KIF9: variants seen among roughly 807,000 people sequenced by gnomAD.
The protein encoded by KIF9 is kinesin family member 9, also known as kinesin-like protein KIF9.
KIF9 carries 68 observed loss-of-function variants against 94.8 expected under a neutral mutation model. The ratio of observed to expected loss-of-function variants is 0.72; its 90% CI spans 0.59 to 0.88. The LOEUF (loss-of-function observed/expected upper bound fraction) is 0.88. KIF9 is among the 40% of genes least tolerant of loss of function. KIF9 has a pLI of 0.00. For synonymous variants in KIF9, 343 were observed against 362.1 expected (o/e 0.95, Z 0.60); for missense variants, 882 against 982.5 (o/e 0.90, Z 1.37).
At position 47,245,404 on chromosome 3, in the gene KIF9, G is replaced by A. The variant is rs772071511; in HGVS notation, c.1380+17C>T. On this transcript the variant is annotated intron_variant, in intron 14 of 20. Transcript: ENST00000684063. ...AATCTGAGGTGAGTGCTGTCGGCAA[G>A]TAGCAACTATGCTTACCTTCTGGAT... The A allele has an allele frequency of 1.2e-6, 2 of 1,600,578 alleles. No homozygotes were observed. The highest frequency in any genetic ancestry group is 1.7e-6 in the Non-Finnish European group (2 of 1,167,642).
chr3:47,236,802 C>T (rs961348231), intron 17 of KIF9, among the ~76,000 whole-genome samples, 183 bp from the exon 18 acceptor site: 1 of 152,198 alleles, frequency 6.6e-6, no homozygotes, highest in Non-Finnish European at 1.5e-5. Context: ...GGCATAATCT[C>T]ACAGGGAGGG....
In KIF9 at chr3:47,236,513, C is replaced by T. The variant is rs1263861192; in HGVS notation, c.2031G>A (p.Leu677=). Residue 677 remains leucine, a synonymous_variant, in exon 18 of 21, where the codon CTG becomes CTA. Coordinates refer to ENST00000684063, the MANE Select transcript of KIF9 (RefSeq NM_182902.4). ...KKQYRSEYQD[L]RDLRAEIQYC... is the part of the protein sequence containing the mutation. ...ACTGGATCTCAGCCCTGAGGTCACG[C>T]AGGTCCTGGTACTCGCTGCGGTACT... 9.3e-6 allele frequency: 15 copies of T among 1,613,952 alleles called. No individual in the cohort carries two copies. The highest frequency in any genetic ancestry group is 6.7e-5 in the East Asian group (3 of 44,904).
intron 1 of KIF9, among the ~76,000 whole-genome samples, chr3:47,280,791 C>G (rs753865560): frequency 6.6e-6 from 1 of 152,220 alleles, no homozygotes; most frequent in Non-Finnish European, 1.5e-5. Flanking sequence ...CCCATGTATG[C>G]TTCCCAAGGC....
chr3:47,246,427 G>A, intron 12 of KIF9, 175 bp from the exon 13 acceptor site: 1 of 417,628 alleles, frequency 2.4e-6, no homozygotes, highest in Non-Finnish European at 4.3e-6. Context: ...CTCCTCCAGA[G>A]CAGAGAAACA....
intron 12 of KIF9, 61 bp downstream of exon 12, chr3:47,247,312 T>C (rs1015344239): frequency 9.2e-7 from 1 of 1,092,164 alleles, no homozygotes; most frequent in African/African-American, 1.5e-5. Flanking sequence ...TGCGTTGGGG[T>C]GTGCCCAGGA....
At chr3:47,233,978 G>A (rs1385757493) in intron 20 of KIF9, among the ~76,000 whole-genome samples, 1 of 152,090 alleles carries the variant, frequency 6.6e-6, no homozygotes. Context: ...AGCTACTCAG[G>A]AGGCTGAGGC....
intron 10 of KIF9, among the ~76,000 whole-genome samples, chr3:47,249,285 A>G (rs1700123013): frequency 6.6e-6 from 1 of 151,910 alleles, no homozygotes; most frequent in Non-Finnish European, 1.5e-5. Flanking sequence ...AGCTGGGATT[A>G]TAGGCATGTG....
Position 47,266,966 on chromosome 3 carries a change from C to A in KIF9, c.768+10G>T. 1.2e-6 allele frequency: 2 copies of A among 1,604,986 alleles called. No individual in the cohort carries two copies. The highest frequency in any genetic ancestry group is 2.2e-5 in the South Asian group (2 of 90,866). Reference sequence around the variant, plus strand: ...TTATTGAGTAGCAACCTCCAGCCCCCATCACTTACCCCAGACTTCCCCAGC... The same window carrying A: ...TTATTGAGTAGCAACCTCCAGCCCCAATCACTTACCCCAGACTTCCCCAGC... On this transcript the variant is annotated intron_variant, in intron 7 of 20. Coordinates refer to ENST00000684063, the MANE Select transcript of KIF9 (RefSeq NM_182902.4).
chr3:47,260,142 C>T (rs1416682249), intron 9 of KIF9, among the ~76,000 whole-genome samples: 1 of 129,104 alleles, frequency 7.7e-6, no homozygotes, highest in Non-Finnish European at 1.6e-5. Flanking sequence ...CTGCGGGCAG[C>T]AATACTGCTT....
At position 47,271,104 on chromosome 3, in the gene KIF9, A is replaced by G. The variant is rs1489613077; in HGVS notation, c.591+133T>C. The G allele has an allele frequency of 4.4e-6, 3 of 675,050 alleles. No individual in the cohort carries two copies. The African/African-American group carries it at 5.5e-5, about 12-fold the overall frequency. 41.8% of individuals were successfully genotyped at this position (675,050 alleles called of 1,614,324 possible). ...GGCTGCAGTGAGCCATGTTCATGCC[A>G]GTATACTCCAGACTTGGAGAAAAAC... On this transcript the variant is annotated intron_variant, in intron 5 of 20. Coordinates refer to ENST00000684063, the MANE Select transcript of KIF9 (RefSeq NM_182902.4).
chr3:47,228,853 T>C, intron 20 of KIF9, 151 bp from the exon 21 acceptor site: 4 of 684,910 alleles, frequency 5.8e-6, no homozygotes, highest in Non-Finnish European at 1.0e-5. Flanking sequence ...CCCAATTCTC[T>C]GAGAAATAAC....
At position 47,245,377 on chromosome 3, in the gene KIF9, G is replaced by A. The variant is rs373306532; in HGVS notation, c.1380+44C>T. ...TGGCTCTGCAAAGGTCTGAGGATGG[G>A]AAATCTGAGGTGAGTGCTGTCGGCA... On this transcript the variant is annotated intron_variant, in intron 14 of 20. Coordinates refer to ENST00000684063, the MANE Select transcript of KIF9 (RefSeq NM_182902.4). The A allele has an allele frequency of 3.5e-6, 5 of 1,440,010 alleles. No individual in the cohort carries two copies. In the African/African-American group the frequency reaches 7.0e-5, roughly 20 times the overall value. The allele number at this position is 1,440,010 out of a possible 1,614,324, so 89.2% of individuals were successfully genotyped here. A position where few individuals can be genotyped will look rare whatever the true frequency, so the allele number is the denominator to read the frequency against.
rs1044193630 is a variant in KIF9, at chr3:47,263,188, C to T, written c.981+1098G>A. On this transcript the variant is annotated intron_variant, in intron 9 of 20. Transcript: ENST00000684063. ...CTGGGATTACAGGCGTGAACCACCACGCCCGGCCCCTAATCTGTCTTATTT... is the reference window on the plus strand; with the variant it reads ...CTGGGATTACAGGCGTGAACCACCATGCCCGGCCCCTAATCTGTCTTATTT... 4.6e-5 allele frequency among the ~76,000 whole-genome samples: 7 copies of T among 152,322 alleles called. No homozygotes were observed. In the South Asian group the frequency reaches 6.2e-4, roughly 14 times the overall value.
chr3:47,265,392 G>A (rs1247133720), intron 8 of KIF9, among the ~76,000 whole-genome samples: 1 of 152,188 alleles, frequency 6.6e-6, no homozygotes, highest in African/African-American at 2.4e-5. Flanking sequence ...AGGCTGCAGG[G>A]GAAGGGAAGA....
intron 10 of KIF9, among the ~76,000 whole-genome samples, chr3:47,252,268 T>C (rs1027455994): frequency 2.0e-5 from 3 of 152,174 alleles, no homozygotes; most frequent in Non-Finnish European, 4.4e-5. Context: ...AGGCCAACAA[T>C]GCAGATCTTA....
At chr3:47,246,975 C>A (rs1457463279) in intron 12 of KIF9, among the ~76,000 whole-genome samples, 2 of 152,184 alleles carry the variant, frequency 1.3e-5, no homozygotes, top group Non-Finnish European at 2.9e-5. Flanking sequence ...TGGGGTCTAC[C>A]TTGTAGACAA....
intron 7 of KIF9, among the ~76,000 whole-genome samples, chr3:47,266,341 A>G (rs531805155): frequency 6.6e-6 from 1 of 152,128 alleles, no homozygotes; most frequent in Admixed American, 6.6e-5. Flanking sequence ...TCATACGAAT[A>G]CTCATATTCA....
chr3:47,262,979 A>G (rs1292025174), intron 9 of KIF9, among the ~76,000 whole-genome samples: 2 of 151,436 alleles, frequency 1.3e-5, no homozygotes, highest in Non-Finnish European at 2.9e-5. Flanking sequence ...GCTCACTACA[A>G]CCTCTGCCTC....
chr3:47,248,129 A>C (rs1211420554), intron 10 of KIF9, 43 bp from the exon 11 acceptor site: 2 of 1,437,480 alleles, frequency 1.4e-6, no homozygotes, highest in South Asian at 2.3e-5. Flanking sequence ...AGGAAGGATC[A>C]TCAGAGAAGC....
Sources: allele counts gnomAD v4.1 joint callset (sites outside exome capture counted in the v4.1 genomes callset), GRCh38; gene constraint gnomAD v4.1.1; transcripts MANE v1.5; gene names NCBI Gene and HGNC (gene_info 2026-07-23, HGNC 2026-07-21).